Variants in SCAMP1 observed in about 807,000 individuals in gnomAD.
SCAMP1 encodes secretory carrier-associated membrane protein 1.
Under a neutral mutation model 41.8 loss-of-function variants are expected in SCAMP1, and 15 were observed. The ratio of observed to expected loss-of-function variants is 0.36; its 90% CI spans 0.24 to 0.55. The LOEUF is 0.55. Among genes scored for constraint, SCAMP1 ranks in the 20% least tolerant of loss-of-function variants. The probability of loss-of-function intolerance (pLI) is 0.86; values close to 1 mark genes in which losing one functional copy is unlikely to be tolerated. For missense variants in SCAMP1, 341 were observed against 412.6 expected (o/e 0.83, Z 1.50); for synonymous variants, 135 against 136.8 (o/e 0.99, Z 0.09).
chr5:78,404,386 G>A (rs1002820026), intron 2 of SCAMP1, among the ~76,000 whole-genome samples: 1 of 148,928 alleles, frequency 6.7e-6, no homozygotes, highest in Non-Finnish European at 1.5e-5. Flanking sequence ...GGCTCAAACA[G>A]TCCTCTTGCC....
intron 7 of SCAMP1, among the ~76,000 whole-genome samples, chr5:78,456,732 G>T (rs1168960893): frequency 1.3e-5 from 2 of 149,690 alleles, no homozygotes; most frequent in African/African-American, 5.0e-5. Context: ...GCGTTGGCCT[G>T]CCTTGCTAGA....
Position 78,430,992 on chromosome 5 carries a change from A to C in SCAMP1, c.632+9032A>C, listed in dbSNP as rs73133716. 8.4e-3 allele frequency among the ~76,000 whole-genome samples: 1,281 copies of C among 152,098 alleles called. 20 individuals carry two copies. The highest frequency in any genetic ancestry group is 0.029 in the African/African-American group (1,196 of 41,518). On this transcript the variant is annotated intron_variant, in intron 6 of 8. Coordinates refer to ENST00000621999, the MANE Select transcript of SCAMP1 (RefSeq NM_004866.6). ...AGCTTATTTCCTAATAGCTTTTCTG[A>C]GTATGATCTAAGGACTCTTGGGGCC...
chr5:78,367,843 C>T (rs913506787), intron 1 of SCAMP1, among the ~76,000 whole-genome samples: 4 of 152,190 alleles, frequency 2.6e-5, no homozygotes, highest in Non-Finnish European at 4.4e-5. Flanking sequence ...TTAGGGTCCC[C>T]TACATTGGGG....
chr5:78,460,781 C>CCT (rs1753571963), intron 8 of SCAMP1, among the ~76,000 whole-genome samples: 1 of 42,158 alleles, frequency 2.4e-5, no homozygotes, highest in African/African-American at 1.6e-4. Context: ...TCCTTCCTTC[C>CCT]TTCCTTCCTT....
intron 8 of SCAMP1, among the ~76,000 whole-genome samples, chr5:78,465,005 C>A (rs183552963): frequency 2.0e-5 from 3 of 152,182 alleles, no homozygotes; most frequent in Admixed American, 2.0e-4. Context: ...TTTTTTAATC[C>A]GTGCATTAAT....
intron 6 of SCAMP1, among the ~76,000 whole-genome samples, chr5:78,447,074 C>T (rs1005909599): frequency 2.0e-5 from 3 of 152,306 alleles, no homozygotes; most frequent in Non-Finnish European, 1.5e-5. Context: ...TTGTGAACTG[C>T]GTGTGCAAAG....
chr5:78,465,841 A>T (rs1432928002), intron 8 of SCAMP1, among the ~76,000 whole-genome samples: 1 of 152,152 alleles, frequency 6.6e-6, no homozygotes, highest in East Asian at 1.9e-4. Flanking sequence ...CACAAGTGGG[A>T]TTTCTTCTTC....
intron 8 of SCAMP1, among the ~76,000 whole-genome samples, chr5:78,464,393 G>C (rs924001244): frequency 1.3e-5 from 2 of 151,964 alleles, no homozygotes; most frequent in African/African-American, 4.8e-5. Context: ...CTGCCTACTG[G>C]GATTACAGGC....
Position 78,459,356 on chromosome 5 carries a change from C to G in SCAMP1, c.846C>G (p.Phe282Leu), listed in dbSNP as rs1753523760. The change falls in exon 8 of 9, where the codon TTC becomes TTG. Residue 282 changes from phenylalanine to leucine, a missense_variant. By Grantham distance (22) the Phe-to-Leu change is conservative (BLOSUM62 0). Coordinates refer to ENST00000621999, the MANE Select transcript of SCAMP1 (RefSeq NM_004866.6). The part of the protein sequence containing the change: ...TASAVISLVM[F>L]KKVHGLYRTT... The stretch of plus-strand genomic sequence containing the variant: ...CAGCAGTCATCTCACTAGTTATGTT[C>G]AAAAAAGTAAGTGAAATTTTATGTC... 2.0e-6 allele frequency: 3 copies of G among 1,470,880 alleles called. No homozygotes were observed. The highest frequency in any genetic ancestry group is 2.8e-6 in the Non-Finnish European group (3 of 1,059,156). 91.1% of individuals were successfully genotyped at this position (1,470,880 alleles called of 1,614,324 possible).
At chr5:78,454,929 G>C (rs1309142657) in intron 7 of SCAMP1, among the ~76,000 whole-genome samples, 1 of 152,002 alleles carries the variant, frequency 6.6e-6, no homozygotes, top group Non-Finnish European at 1.5e-5. Flanking sequence ...TATGTGTCGA[G>C]GAATTTATCC....
intron 2 of SCAMP1, among the ~76,000 whole-genome samples, chr5:78,411,197 A>C (rs557908217): frequency 6.6e-6 from 1 of 152,158 alleles, no homozygotes; most frequent in South Asian, 2.1e-4. Context: ...AGTTTTTGTC[A>C]TGAAATCTTT....
chr5:78,415,657 T>G, intron 3 of SCAMP1, 39 bp downstream of exon 3: 2 of 1,208,612 alleles, frequency 1.7e-6, no homozygotes, highest in Non-Finnish European at 2.4e-6. Context: ...TATTGGCCAT[T>G]ATAATATCAA....
intron 1 of SCAMP1, among the ~76,000 whole-genome samples, chr5:78,379,148 C>T (rs1367925343): frequency 2.6e-5 from 4 of 152,194 alleles, no homozygotes; most frequent in Admixed American, 2.0e-4. Flanking sequence ...CTCAGACATG[C>T]ACTAATTGAT....
Position 78,476,404 on chromosome 5 carries a change from TAAG to T in SCAMP1, c.*740_*742del, listed in dbSNP as rs1754006605. On this transcript the variant is annotated 3_prime_UTR_variant, in exon 9 of 9. Transcript: ENST00000621999. ...AAATAAAAAGTTTGGGGGTGCAATA[TAAG>T]AAGTTTATATAATATGCAGTACATT... 1 of 152,550 alleles carries T rather than the reference TAAG, an allele frequency of 6.6e-6. No homozygotes were observed. The highest frequency in any genetic ancestry group is 6.5e-5 in the Admixed American group (1 of 15,270). 9.4% of individuals were successfully genotyped at this position (152,550 alleles called of 1,614,324 possible). A position where few individuals can be genotyped will look rare whatever the true frequency, so the allele number is the denominator to read the frequency against.
At chr5:78,447,903 C>G (rs1373564067) in intron 6 of SCAMP1, among the ~76,000 whole-genome samples, 2 of 87,286 alleles carry the variant, frequency 2.3e-5, no homozygotes, top group Non-Finnish European at 2.3e-5. Flanking sequence ...TCCCTCCTCC[C>G]TCTTCTCCCT....
At position 78,464,378 on chromosome 5, in the gene SCAMP1, G is replaced by A. The variant is rs1053613894; in HGVS notation, c.852+5016G>A. On this transcript the variant is annotated intron_variant, in intron 8 of 8. Coordinates refer to ENST00000621999, the MANE Select transcript of SCAMP1 (RefSeq NM_004866.6). ...AGGATGCTCTTGATCTCCTGACCTC[G>A]TGTTCTGCCTACTGGGATTACAGGC... Among the ~76,000 whole-genome samples, 7 of 151,936 alleles carry A rather than the reference G, an allele frequency of 4.6e-5. 1 individual carries two copies. The South Asian group carries it at 8.3e-4, about 18-fold the overall frequency.
At chr5:78,454,136 A>G (rs1165092263) in intron 7 of SCAMP1, among the ~76,000 whole-genome samples, 2 of 152,226 alleles carry the variant, frequency 1.3e-5, no homozygotes, top group East Asian at 1.9e-4. Context: ...AAACAGGGAC[A>G]ATTTGACTTC....
At chr5:78,387,703 T>G (rs367548319) in intron 1 of SCAMP1, among the ~76,000 whole-genome samples, 1 of 152,166 alleles carries the variant, frequency 6.6e-6, no homozygotes, top group South Asian at 2.1e-4. Flanking sequence ...TCCTGAGAGC[T>G]GAACTACAGT....
chr5:78,365,472 CAAAAAAAAAAAAAAA>C (rs35765310), intron 1 of SCAMP1, among the ~76,000 whole-genome samples: 3 of 55,578 alleles, frequency 5.4e-5, no homozygotes, highest in African/African-American at 7.6e-5. Flanking sequence ...AGACTCATCT[CAAAAAAAAAAAAAAA>C]AAAAAAAAAA....
Sources: gnomAD v4.1 joint callset for allele counts (sites outside exome capture counted in the v4.1 genomes callset) on GRCh38, gnomAD v4.1.1 for gene constraint, MANE v1.5 for transcripts, NCBI Gene and HGNC (gene_info 2026-07-23, HGNC 2026-07-21) for gene names.